Variants in SMG6 observed in about 807,000 individuals in gnomAD.
SMG6 encodes telomerase-binding protein EST1A.
SMG6 carries 66 observed loss-of-function variants against 142.2 expected under a neutral mutation model. The observed-to-expected ratio is 0.46, with a 90% CI of 0.38 to 0.57. The LOEUF is 0.57. SMG6 is among the 20% of genes least tolerant of loss of function. The probability of loss-of-function intolerance (pLI) is 0.00; values close to 1 mark genes in which losing one functional copy is unlikely to be tolerated. For synonymous variants in SMG6, 779 were observed against 702.4 expected, an observed-to-expected ratio of 1.11 and a Z score of -1.72; for missense variants, 1,793 against 1,832.0, an observed-to-expected ratio of 0.98 and a Z score of 0.39.
At chr17:2,069,208 A>G (rs1465637300) in intron 15 of SMG6, among the ~76,000 whole-genome samples, 1 of 152,192 alleles carries the variant, frequency 6.6e-6, no homozygotes, top group Admixed American at 6.5e-5. Context: ...CAGGTCTCTC[A>G]AAGTAAGACT....
intron 13 of SMG6, among the ~76,000 whole-genome samples, chr17:2,170,994 G>T (rs1336395558): frequency 6.6e-6 from 1 of 152,162 alleles, no homozygotes; most frequent in East Asian, 1.9e-4. Flanking sequence ...AGTATATACA[G>T]CTGGGCATGT....
intron 13 of SMG6, among the ~76,000 whole-genome samples, chr17:2,109,042 C>CA (rs1238446038): frequency 6.6e-6 from 1 of 152,138 alleles, no homozygotes; most frequent in Non-Finnish European, 1.5e-5. Flanking sequence ...ACCCCAGAGA[C>CA]AATACATTAA....
At chr17:2,152,047 G>C (rs970396377) in intron 13 of SMG6, among the ~76,000 whole-genome samples, 3 of 152,220 alleles carry the variant, frequency 2.0e-5, no homozygotes, top group Non-Finnish European at 4.4e-5. Flanking sequence ...TATACTACGG[G>C]CAAGAAGCTG....
At chr17:2,162,242 G>A (rs1597495605) in intron 13 of SMG6, among the ~76,000 whole-genome samples, 1 of 152,144 alleles carries the variant, frequency 6.6e-6, no homozygotes, top group South Asian at 2.1e-4. Context: ...GCCAGGCGAG[G>A]TGGCTCACGC....
chr17:2,172,967 C>G, intron 12 of SMG6, 108 bp from the exon 13 acceptor site: 1 of 1,081,370 alleles, frequency 9.2e-7, no homozygotes, highest in Non-Finnish European at 1.4e-6. Context: ...GTTGTCTAGG[C>G]TGGCATCTGC....
At chr17:2,091,974 G>A (rs1484465726) in intron 13 of SMG6, among the ~76,000 whole-genome samples, 8 of 151,072 alleles carry the variant, frequency 5.3e-5, no homozygotes, top group Non-Finnish European at 8.9e-5. Context: ...GAGCCACTGC[G>A]CCTGGCCCCT....
chr17:2,174,652 T>G (rs981975492), intron 12 of SMG6, among the ~76,000 whole-genome samples: 3 of 152,266 alleles, frequency 2.0e-5, no homozygotes, highest in Non-Finnish European at 2.9e-5. Flanking sequence ...AAGAACATGT[T>G]TGGGAAGAAT....
At chr17:2,140,634 T>C (rs1196755570) in intron 13 of SMG6, among the ~76,000 whole-genome samples, 1 of 144,214 alleles carries the variant, frequency 6.9e-6, no homozygotes, top group Non-Finnish European at 1.5e-5. Flanking sequence ...ATTGCACCAC[T>C]GCACTCCAGC....
At chr17:2,145,643 C>CAAAA (rs61451940) in intron 13 of SMG6, among the ~76,000 whole-genome samples, 5,340 of 23,836 alleles carry the variant, frequency 0.22, 1,153 homozygotes, top group East Asian at 0.29. Context: ...TCCATCTCCC[C>CAAAA]AAAAAAAAAA....
intron 8 of SMG6, among the ~76,000 whole-genome samples, chr17:2,274,131 TC>T (rs2074599064): frequency 6.6e-6 from 1 of 152,236 alleles, no homozygotes. Context: ...TTACATATTG[TC>T]CATGGCTACT....
chr17:2,204,755 G>A (rs1433767104), intron 10 of SMG6, among the ~76,000 whole-genome samples: 8 of 152,158 alleles, frequency 5.3e-5, no homozygotes, highest in Non-Finnish European at 1.2e-4. Context: ...TTAAGCTCAG[G>A]AGTTCCTGGC....
In SMG6 at chr17:2,202,110, G is replaced by A. The variant is rs553541209; in HGVS notation, c.2870-13595C>T. Among the ~76,000 whole-genome samples the A allele has an allele frequency of 6.6e-5, 10 of 152,240 alleles. No homozygotes were observed. The South Asian group carries it at 1.5e-3, about 22-fold the overall frequency. The stretch of plus-strand genomic sequence containing the variant: ...CCTAAAAATGAAAGCATACATGCAC[G>A]CAAAGAATGTTCATAGCAGTTTTAC... On this transcript the variant is annotated intron_variant, in intron 10 of 18. Coordinates refer to ENST00000263073, the MANE Select transcript of SMG6 (RefSeq NM_017575.5).
intron 13 of SMG6, among the ~76,000 whole-genome samples, chr17:2,093,938 G>C (rs2068790892): frequency 6.6e-6 from 1 of 152,016 alleles, no homozygotes; most frequent in South Asian, 2.1e-4. Flanking sequence ...TCAGAACTAA[G>C]GTGCTAGATC....
intron 12 of SMG6, among the ~76,000 whole-genome samples, chr17:2,183,841 GCAGA>G (rs1401920672): frequency 6.6e-6 from 1 of 151,206 alleles, no homozygotes; most frequent in Non-Finnish European, 1.5e-5. Context: ...AGGCAGGCAG[GCAGA>G]GACAGGCCAG....
At chr17:2,213,869 T>A (rs1221196919) in intron 10 of SMG6, 1 of 152,218 alleles carries the variant, frequency 6.6e-6, no homozygotes, top group African/African-American at 2.4e-5. Flanking sequence ...TTTAAAATTT[T>A]TTATTAATCT....
intron 10 of SMG6, among the ~76,000 whole-genome samples, chr17:2,227,037 C>T (rs2073340219): frequency 1.3e-5 from 2 of 152,184 alleles, no homozygotes. Context: ...AATAGCACCA[C>T]ACATTTACTA....
chr17:2,184,515 G>T lies in SMG6; in HGVS notation c.3155+2148C>A, dbSNP rs540985803. On this transcript the variant is annotated intron_variant, in intron 12 of 18. Transcript: ENST00000263073. ...TCTACTAAAAATAAAAAATTAGCTGGGTGTGGTAGCACATGCCTGTAGTCC... is the reference window on the plus strand; with the variant it reads ...TCTACTAAAAATAAAAAATTAGCTGTGTGTGGTAGCACATGCCTGTAGTCC... Among the ~76,000 whole-genome samples, 19 of 151,608 alleles carry T rather than the reference G, an allele frequency of 1.3e-4. No individual in the cohort carries two copies. The East Asian group carries it at 3.5e-3, about 28-fold the overall frequency.
chr17:2,226,610 C>A (rs111277136), intron 10 of SMG6, among the ~76,000 whole-genome samples: 10,054 of 148,338 alleles, frequency 0.068, 496 homozygotes, highest in Middle Eastern at 0.097. Flanking sequence ...AAAAAAAAAA[C>A]AAACAAGTGG....
intron 8 of SMG6, 30 bp downstream of exon 8, chr17:2,282,617 T>C (rs2074813500): frequency 2.5e-6 from 4 of 1,609,248 alleles, no homozygotes; most frequent in Middle Eastern, 2.0e-4. Flanking sequence ...TGAGCTAGTT[T>C]GGCTCATTGC....
Sources: allele counts gnomAD v4.1 joint callset (sites outside exome capture counted in the v4.1 genomes callset), GRCh38; gene constraint gnomAD v4.1.1; transcripts MANE v1.5; gene names NCBI Gene and HGNC (gene_info 2026-07-23, HGNC 2026-07-21).